ATXN1: variants seen among roughly 807,000 people sequenced by gnomAD.
ATXN1 encodes ataxin-1.
Under a neutral mutation model 56.4 loss-of-function variants are expected in ATXN1, and 8 were observed. The observed-to-expected ratio is 0.14, with a 90% CI of 0.08 to 0.26. The LOEUF (loss-of-function observed/expected upper bound fraction) is 0.26, where lower values mean the gene tolerates loss of function less well. Ranked by LOEUF, ATXN1 falls within the 10% of genes least tolerant of loss-of-function variation. The pLI is 1.00. For synonymous variants in ATXN1, 514 were observed against 494.6 expected (o/e 1.04, Z -0.52); for missense variants, 987 against 1,106.5 (o/e 0.89, Z 1.53).
At chr6:16,535,438 G>A (rs1761577998) in intron 4 of ATXN1, among the ~76,000 whole-genome samples, 1 of 152,114 alleles carries the variant, frequency 6.6e-6, no homozygotes. Flanking sequence ...GGGGACAAGA[G>A]ACAATATTCC....
chr6:16,470,021 AT>A (rs1188879280), intron 6 of ATXN1, among the ~76,000 whole-genome samples: 1 of 152,108 alleles, frequency 6.6e-6, no homozygotes, highest in African/African-American at 2.4e-5. Flanking sequence ...TCAAAGAGAT[AT>A]TTGCACACTC....
intron 6 of ATXN1, among the ~76,000 whole-genome samples, chr6:16,456,281 T>C (rs11754994): frequency 0.29 from 44,645 of 152,080 alleles, 7,112 homozygotes; most frequent in Middle Eastern, 0.35. Flanking sequence ...TATTGCAACG[T>C]GGTGAGTACC....
chr6:16,481,938 G>A (rs1379641181), intron 6 of ATXN1, among the ~76,000 whole-genome samples: 1 of 152,084 alleles, frequency 6.6e-6, no homozygotes, highest in Non-Finnish European at 1.5e-5. Context: ...AATGGAAAAG[G>A]AGAGGAAATA....
In ATXN1 at chr6:16,306,413, T is replaced by C; in HGVS notation, c.2364A>G (p.Glu788=). 1 of 1,614,144 alleles carries C rather than the reference T, an allele frequency of 6.2e-7. No individual in the cohort carries two copies. The highest frequency in any genetic ancestry group is 8.5e-7 in the Non-Finnish European group (1 of 1,180,016). ...AAGGCTTAGGAAGAGTCAAAGGTGGTTCGTCTTCTGACTTCTCCAGTTTGC... is the reference window on the plus strand; with the variant it reads ...AAGGCTTAGGAAGAGTCAAAGGTGGCTCGTCTTCTGACTTCTCCAGTTTGC... The part of the protein sequence containing the change: ...ESRKLEKSED[E]PPLTLPKPSL... Residue 788 remains glutamate (E), a synonymous_variant, in exon 8 of 8, where the codon GAA becomes GAG. Coordinates refer to ENST00000436367, the MANE Select transcript of ATXN1 (RefSeq NM_001128164.2). The surrounding 1 kb of genome is among the most constrained non-coding windows in gnomAD (Gnocchi z 5.2).
At chr6:16,590,018 T>C (rs2113769464) in intron 3 of ATXN1, among the ~76,000 whole-genome samples, 1 of 152,252 alleles carries the variant, frequency 6.6e-6, no homozygotes, top group South Asian at 2.1e-4. Context: ...ACTACACATA[T>C]CGCCATTCAA....
At chr6:16,445,769 C>T (rs1046467682) in intron 6 of ATXN1, among the ~76,000 whole-genome samples, 3 of 145,956 alleles carry the variant, frequency 2.1e-5, no homozygotes, top group Non-Finnish European at 4.5e-5. Context: ...TGAGAACATG[C>T]GGTGTTTGGT....
At chr6:16,372,062 A>T (rs983355658) in intron 6 of ATXN1, among the ~76,000 whole-genome samples, 1 of 152,270 alleles carries the variant, frequency 6.6e-6, no homozygotes, top group African/African-American at 2.4e-5. Flanking sequence ...GTTGATACAC[A>T]TTTTTAAAAT....
chr6:16,587,623 C>A (rs1762648706), intron 3 of ATXN1, among the ~76,000 whole-genome samples: 1 of 152,194 alleles, frequency 6.6e-6, no homozygotes, highest in Non-Finnish European at 1.5e-5. Flanking sequence ...CCTCTCCTTG[C>A]CATTTAGAAA....
rs796986273 is a variant in ATXN1 at position 16,392,670 on chromosome 6, AT to A, written c.-160-64201del. ...GCCACCACACCTGGCTAATTTTTGT[AT>A]TTTTAGTAGAGACAGGGTTTCATCA... On this transcript the variant is annotated intron_variant, in intron 6 of 7. Coordinates refer to ENST00000436367, the MANE Select transcript of ATXN1 (RefSeq NM_001128164.2). Among the ~76,000 whole-genome samples the A allele has an allele frequency of 6.4e-4, 98 of 152,002 alleles. 2 individuals are homozygous for A. Among genetic ancestry groups the A allele is most frequent in the African/African-American group, 2.3e-3 (94 of 41,446 alleles).
At chr6:16,706,875 T>C (rs1759420292) in intron 2 of ATXN1, among the ~76,000 whole-genome samples, 1 of 152,172 alleles carries the variant, frequency 6.6e-6, no homozygotes, top group Admixed American at 6.5e-5. Context: ...ATAAATGCTT[T>C]TCAAATTTCT....
At chr6:16,544,123 T>C (rs1761767823) in intron 4 of ATXN1, among the ~76,000 whole-genome samples, 1 of 152,100 alleles carries the variant, frequency 6.6e-6, no homozygotes, top group South Asian at 2.1e-4. Context: ...AGGGAGTTGG[T>C]GAATTTCTCA....
chr6:16,698,884 G>A lies in ATXN1; in HGVS notation c.-614-40983C>T, dbSNP rs183840897. Reference sequence around the variant, plus strand: ...AAGCTTTAAAATTCTACGATTGTCCGTCCAATTCAATAAAATAAACTGTAT... The same window carrying A: ...AAGCTTTAAAATTCTACGATTGTCCATCCAATTCAATAAAATAAACTGTAT... On this transcript the variant is annotated intron_variant, in intron 2 of 7. Coordinates refer to ENST00000436367, the MANE Select transcript of ATXN1 (RefSeq NM_001128164.2). Among the ~76,000 whole-genome samples the A allele has an allele frequency of 7.2e-5, 11 of 152,178 alleles. No individual in the cohort carries two copies. In the East Asian group the frequency reaches 1.2e-3, roughly 16 times the overall value.
chr6:16,492,368 T>A (rs1011939564), intron 5 of ATXN1, among the ~76,000 whole-genome samples: 33 of 151,940 alleles, frequency 2.2e-4, no homozygotes, highest in African/African-American at 7.7e-4. Flanking sequence ...GGCACATGTA[T>A]ACATATGTAA....
At chr6:16,504,557 G>A (rs1050238786) in intron 5 of ATXN1, among the ~76,000 whole-genome samples, 11 of 152,156 alleles carry the variant, frequency 7.2e-5, no homozygotes, top group South Asian at 2.1e-4. Flanking sequence ...GCACAGAATC[G>A]TTTTTAATTT....
In ATXN1 at chr6:16,578,410, T is replaced by C. The variant is rs910087003; in HGVS notation, c.-361+7370A>G. ...TTCCACGCTCATATCCTAATATTTA[T>C]CACAATGGCTACCCCATTCCAGAAA... On this transcript the variant is annotated intron_variant, in intron 4 of 7. Transcript: ENST00000436367. 2.0e-5 allele frequency among the ~76,000 whole-genome samples: 3 copies of C among 152,252 alleles called. No individual in the cohort carries two copies. In the East Asian group the frequency reaches 5.8e-4, roughly 29 times the overall value.
At chr6:16,593,898 TAA>T (rs1491488476) in intron 3 of ATXN1, among the ~76,000 whole-genome samples, 3 of 145,534 alleles carry the variant, frequency 2.1e-5, no homozygotes, top group East Asian at 2.0e-4. Context: ...CTCAATAGAC[TAA>T]TATATATATA....
chr6:16,400,717 T>C (rs1023101168), intron 6 of ATXN1, among the ~76,000 whole-genome samples: 2 of 152,226 alleles, frequency 1.3e-5, no homozygotes, highest in African/African-American at 4.8e-5. Flanking sequence ...GATTACCATA[T>C]TGTCCTTGTT....
intron 2 of ATXN1, among the ~76,000 whole-genome samples, chr6:16,662,084 G>A (rs191800941): frequency 7.9e-5 from 12 of 152,282 alleles, no homozygotes; most frequent in Middle Eastern, 3.4e-3. Context: ...ACTTTTTACA[G>A]TGGGAGAAAC....
At chr6:16,484,953 G>A (rs1464536148) in intron 6 of ATXN1, among the ~76,000 whole-genome samples, 14 of 101,642 alleles carry the variant, frequency 1.4e-4, no homozygotes, top group Non-Finnish European at 2.4e-4. Context: ...ATATATGTGT[G>A]TGTGTGTGTG....
Sources: gnomAD v4.1 joint callset for allele counts (sites outside exome capture counted in the v4.1 genomes callset) on GRCh38, gnomAD v4.1.1 for gene constraint, Gnocchi (gnomAD v3.1) non-coding constraint, MANE v1.5 for transcripts, NCBI Gene and HGNC (gene_info 2026-07-23, HGNC 2026-07-21) for gene names.